Variants in GPRC5A observed in about 807,000 individuals in gnomAD.
The protein encoded by GPRC5A is retinoic acid-induced protein 3.
A neutral mutation model predicts 22.5 loss-of-function variants in GPRC5A; 19 were observed. That is an observed-to-expected ratio of 0.85 (90% confidence interval 0.59 to 1.24). The LOEUF is 1.24. Ranked by LOEUF, GPRC5A falls within the 50% of genes most tolerant of loss-of-function variation. The pLI is 0.00. For missense variants in GPRC5A, 471 were observed against 451.1 expected, an observed-to-expected ratio of 1.04 and a Z score of -0.40; for synonymous variants, 192 against 184.5, an observed-to-expected ratio of 1.04 and a Z score of -0.33.
At position 12,912,586 on chromosome 12, in the gene GPRC5A, C is replaced by T. The variant is rs760065967; in HGVS notation, c.*47C>T. ...AAATGCAGCCGGGCGGCAGATCTAG[C>T]GGGAGCTCAAAGGGATGTGGGCGAA... On this transcript the variant is annotated 3_prime_UTR_variant, in exon 4 of 4. Transcript: ENST00000014914. The T allele has an allele frequency of 4.2e-5, 48 of 1,147,438 alleles. No homozygotes were observed. Among genetic ancestry groups the T allele is most frequent in the Admixed American group, 1.2e-4 (7 of 59,090 alleles). 71.1% of individuals were successfully genotyped at this position (1,147,438 alleles called of 1,614,324 possible). A position where few individuals can be genotyped will look rare whatever the true frequency, so the allele number is the denominator to read the frequency against.
intron 1 of GPRC5A, among the ~76,000 whole-genome samples, chr12:12,899,535 C>G (rs1262628153): frequency 6.6e-6 from 1 of 152,096 alleles, no homozygotes; most frequent in Non-Finnish European, 1.5e-5. Flanking sequence ...GGACATGTAC[C>G]TTCCTCACTC....
chr12:12,891,985 C>G (rs1040047076), intron 1 of GPRC5A: 1 of 152,144 alleles, frequency 6.6e-6, no homozygotes, highest in Non-Finnish European at 1.5e-5. Flanking sequence ...AGGTGAGCAG[C>G]TCTGGGATCA....
intron 1 of GPRC5A, among the ~76,000 whole-genome samples, chr12:12,900,580 C>T (rs1335855436): frequency 2.6e-5 from 4 of 151,538 alleles, no homozygotes; most frequent in African/African-American, 9.8e-5. Context: ...TTCCCTCTCC[C>T]TCTTCCCCAC....
At chr12:12,895,074 G>A (rs1422905907) in intron 1 of GPRC5A, among the ~76,000 whole-genome samples, 5 of 152,212 alleles carry the variant, frequency 3.3e-5, no homozygotes, top group East Asian at 1.9e-4. Context: ...CACCGTGCCC[G>A]GCCCAGGATG....
chr12:12,893,584 C>G (rs1464997722), intron 1 of GPRC5A, among the ~76,000 whole-genome samples: 2 of 152,088 alleles, frequency 1.3e-5, no homozygotes, highest in East Asian at 3.9e-4. Context: ...CCAGATTTGT[C>G]TTTGTATTCT....
intron 1 of GPRC5A, among the ~76,000 whole-genome samples, chr12:12,896,819 G>A (rs969715585): frequency 3.9e-5 from 6 of 152,108 alleles, no homozygotes; most frequent in African/African-American, 1.4e-4. Flanking sequence ...TTGTCTGATA[G>A]GCAGCTCAGC....
chr12:12,909,741 C>T (rs1359161930), intron 2 of GPRC5A: 2 of 152,464 alleles, frequency 1.3e-5, no homozygotes, highest in Middle Eastern at 3.2e-3. Flanking sequence ...GTGTGAAGAA[C>T]CACATTTTTT....
At chr12:12,903,761 C>T (rs569223336) in intron 1 of GPRC5A, among the ~76,000 whole-genome samples, 1 of 152,210 alleles carries the variant, frequency 6.6e-6, no homozygotes, top group Non-Finnish European at 1.5e-5. Flanking sequence ...TGAGACTCAG[C>T]ACCCTCCTGC....
chr12:12,896,759 T>G (rs1213247200), intron 1 of GPRC5A, among the ~76,000 whole-genome samples: 1 of 152,144 alleles, frequency 6.6e-6, no homozygotes, highest in Non-Finnish European at 1.5e-5. Flanking sequence ...GCACGGTGCC[T>G]CACGCCACCT....
At chr12:12,906,929 T>C (rs934084062) in intron 1 of GPRC5A, among the ~76,000 whole-genome samples, 2 of 151,998 alleles carry the variant, frequency 1.3e-5, no homozygotes, top group African/African-American at 4.8e-5. Flanking sequence ...TGTTGGCGCG[T>C]GCCTGTAATC....
chr12:12,909,113 C>T lies in GPRC5A; in HGVS notation c.864C>T (p.Leu288=), dbSNP rs748924976. ...AGGATGCTTTCTGTAAACCTCAACT[C>T]GTGAAGAAGAGCTATGGTGTGGAGA... ...PVEDAFCKPQ[L]VKKSYGVENR... is the part of the protein sequence containing the mutation. The change falls in exon 2 of 4, where the codon CTC becomes CTT. Residue 288 remains leucine (L), a synonymous_variant. Coordinates refer to ENST00000014914, the MANE Select transcript of GPRC5A (RefSeq NM_003979.4). 4.4e-6 allele frequency: 7 copies of T among 1,600,676 alleles called. No individual in the cohort carries two copies. Among genetic ancestry groups the T allele is most frequent in the East Asian group, 2.2e-5 (1 of 44,876 alleles).
chr12:12,911,267 A>G (rs1040440930), intron 2 of GPRC5A, among the ~76,000 whole-genome samples: 1 of 152,198 alleles, frequency 6.6e-6, no homozygotes, highest in Admixed American at 6.5e-5. Flanking sequence ...TGCATTCATG[A>G]TGATTGCATG....
At position 12,914,549 on chromosome 12, in the gene GPRC5A, C is replaced by CTTTCTTTCT. The variant is rs371632945; in HGVS notation, c.*2012_*2013insTCTTTCTTT. On this transcript the variant is annotated 3_prime_UTR_variant, in exon 4 of 4. Transcript: ENST00000014914. ...CTCTCTTTCCTTCCTTCCTTCCTTT[C>CTTTCTTTCT]TTCTTTCTTTCTTTCTTTCTTTCTT... 7.9e-5 allele frequency: 4 copies of CTTTCTTTCT among 50,532 alleles called. No individual in the cohort carries two copies. The highest frequency in any genetic ancestry group is 2.7e-4 in the Admixed American group (1 of 3,726). 3.1% of individuals were successfully genotyped at this position (50,532 alleles called of 1,614,324 possible). A position where few individuals can be genotyped will look rare whatever the true frequency, so the allele number is the denominator to read the frequency against.
At chr12:12,897,427 C>T in intron 1 of GPRC5A, among the ~76,000 whole-genome samples, 1 of 151,754 alleles carries the variant, frequency 6.6e-6, no homozygotes, top group East Asian at 1.9e-4. Context: ...CTTAAATGAA[C>T]CCAAATTCCC....
chr12:12,896,471 T>C (rs58731343), intron 1 of GPRC5A, among the ~76,000 whole-genome samples: 38,196 of 152,124 alleles, frequency 0.25, 6,612 homozygotes, highest in African/African-American at 0.49. Flanking sequence ...TAAATAATCC[T>C]TTATCAAGGG....
chr12:12,908,851 G>T lies in GPRC5A; in HGVS notation c.602G>T (p.Gly201Val), dbSNP rs1168324742. The T allele has an allele frequency of 1.9e-6, 3 of 1,614,106 alleles. No homozygotes were observed. The highest frequency in any genetic ancestry group is 2.2e-5 in the South Asian group (2 of 91,092). ...TFLMSSFTFC[G>V]SFTGWKRHGA... ...CTCATGTCCTCCTTCACCTTCTGTG[G>T]TTCCTTCACGGGCTGGAAGAGACAT... Residue 201 changes from glycine to valine, a missense_variant, in exon 2 of 4, where the codon GGT (glycine) becomes GTT (valine). Physicochemically the swap from Gly to Val is moderately radical, Grantham distance 109. Transcript: ENST00000014914.
intron 2 of GPRC5A, chr12:12,909,937 TAAAAAAAAAAAA>T (rs1158941504): frequency 1.0e-5 from 1 of 95,342 alleles, no homozygotes; most frequent in Non-Finnish European, 2.0e-5. Context: ...CATCTCTATT[TAAAAAAAAAAAA>T]AAAAAAAAAA....
At chr12:12,896,675 A>G (rs1326091377) in intron 1 of GPRC5A, among the ~76,000 whole-genome samples, 2 of 152,222 alleles carry the variant, frequency 1.3e-5, no homozygotes, top group Non-Finnish European at 2.9e-5. Context: ...ATCACTGTGT[A>G]GAGTACAGAG....
chr12:12,892,582 G>T (rs1457589732), intron 1 of GPRC5A, among the ~76,000 whole-genome samples: 1 of 152,058 alleles, frequency 6.6e-6, no homozygotes, highest in Non-Finnish European at 1.5e-5. Context: ...GGTCAGGTTG[G>T]TCTCAAACTC....
Sources: allele counts gnomAD v4.1 joint callset (sites outside exome capture counted in the v4.1 genomes callset), GRCh38; gene constraint gnomAD v4.1.1; transcripts MANE v1.5; gene names NCBI Gene and HGNC (gene_info 2026-07-23, HGNC 2026-07-21).